TERF1: variants seen among roughly 807,000 people sequenced by gnomAD.
The protein encoded by TERF1 is telomeric repeat binding factor 1.
In TERF1, 20 loss-of-function variants were observed where a neutral mutation model predicts 55.1. That is an observed-to-expected ratio of 0.36 (90% CI 0.26 to 0.53). The LOEUF is 0.53. Among genes scored for constraint, TERF1 ranks in the 20% least tolerant of loss-of-function variants. TERF1 has a pLI of 0.91. For missense variants in TERF1, 439 were observed against 535.7 expected, an observed-to-expected ratio of 0.82 and a Z score of 1.78; for synonymous variants, 168 against 181.2, an observed-to-expected ratio of 0.93 and a Z score of 0.59.
Position 73,030,396 on chromosome 8 carries a change from G to T in TERF1, c.947+1G>T. The T allele has an allele frequency of 6.7e-7, 1 of 1,490,882 alleles. No individual in the cohort carries two copies. Among genetic ancestry groups the T allele is most frequent in the Non-Finnish European group, 8.9e-7 (1 of 1,124,900 alleles). The allele number at this position is 1,490,882 out of a possible 1,614,324, so 92.4% of individuals were successfully genotyped here. On this transcript the variant is annotated splice_donor_variant, in intron 7 of 9. Transcript: ENST00000276603. LOFTEE classifies it high-confidence loss of function. ...CAGAGGGTACAGTATCCTTATTGAG[G>T]TGAAGTAAATTGACGTTTTTCTTCT...
chr8:73,033,084 A>G (rs189744510), intron 8 of TERF1, among the ~76,000 whole-genome samples: 88 of 149,586 alleles, frequency 5.9e-4, no homozygotes, highest in African/African-American at 1.9e-3. Context: ...AATAGACATA[A>G]TGAAATTAGG....
In TERF1 at chr8:73,032,872, AT is replaced by A. The variant is rs928806016; in HGVS notation, c.1039+751del. On this transcript the variant is annotated intron_variant, in intron 8 of 9. Coordinates refer to ENST00000276603, the MANE Select transcript of TERF1 (RefSeq NM_017489.3). The stretch of plus-strand genomic sequence containing the variant: ...TTTTAGGTACTGAACTGATACTGAG[AT>A]TTTTTTTTTTTATACTTTAAGTTTT... 2.3e-3 allele frequency among the ~76,000 whole-genome samples: 341 copies of A among 146,396 alleles called. 2 individuals carry two copies. The highest frequency in any genetic ancestry group is 0.011 in the Middle Eastern group (3 of 280).
At chr8:73,034,506 C>T (rs1323752289) in intron 8 of TERF1, among the ~76,000 whole-genome samples, 2 of 152,172 alleles carry the variant, frequency 1.3e-5, no homozygotes, top group Non-Finnish European at 2.9e-5. Context: ...CTCAAGCAAT[C>T]TGCTTGCTGT....
intron 8 of TERF1, among the ~76,000 whole-genome samples, chr8:73,034,716 T>C (rs1264240665): frequency 1.3e-5 from 2 of 152,086 alleles, no homozygotes; most frequent in Non-Finnish European, 2.9e-5. Flanking sequence ...ATTATTAATA[T>C]TTGAGTTGAA....
chr8:73,037,903 AATATG>A (rs1257952462), intron 8 of TERF1, among the ~76,000 whole-genome samples: 3 of 123,810 alleles, frequency 2.4e-5, no homozygotes, highest in East Asian at 2.1e-4. Flanking sequence ...AATATATATA[AATATG>A]ATATAATATA....
intron 2 of TERF1, 66 bp from the exon 3 acceptor site, chr8:73,020,601 ATATTTAAAGGAATGCAT>A (rs2129767986): frequency 8.2e-7 from 1 of 1,224,918 alleles, no homozygotes; most frequent in Non-Finnish European, 1.1e-6. Flanking sequence ...CACTCAGTAA[ATATTTAAAGGAATGCAT>A]TATTAAAAAC....
At chr8:73,031,354 AG>A (rs2129838222) in intron 7 of TERF1, 1 of 152,398 alleles carries the variant, frequency 6.6e-6, no homozygotes, top group South Asian at 2.1e-4. Flanking sequence ...AGAAAGTCTT[AG>A]GAAGGAGGGA....
chr8:73,032,028 C>T lies in TERF1; in HGVS notation c.948-14C>T. 6.3e-7 allele frequency: 1 copy of T among 1,592,532 alleles called. No individual in the cohort carries two copies. On this transcript the variant is annotated splice_polypyrimidine_tract_variant and intron_variant, in intron 7 of 9. Transcript: ENST00000276603. Reference sequence around the variant, plus strand: ...TTTCTGGAGCCAATTACAAACTTTCCTGTTTTATTTTAGGTCTCACAAGAA... The same window carrying T: ...TTTCTGGAGCCAATTACAAACTTTCTTGTTTTATTTTAGGTCTCACAAGAA...
Position 73,021,702 on chromosome 8 carries a change from G to A in TERF1, c.538-514G>A, listed in dbSNP as rs930062438. Among the ~76,000 whole-genome samples the A allele has an allele frequency of 3.3e-5, 5 of 151,822 alleles. No homozygotes were observed. The East Asian group carries it at 7.7e-4, about 23-fold the overall frequency. ...CCAAGTTTACATAGCTACCCAAATG[G>A]TAAGTGGTCCTGTCTTACTTACCAC... On this transcript the variant is annotated intron_variant, in intron 3 of 9. Coordinates refer to ENST00000276603, the MANE Select transcript of TERF1 (RefSeq NM_017489.3).
chr8:73,012,786 T>C (rs1321067283), intron 1 of TERF1: 1 of 383,420 alleles, frequency 2.6e-6, no homozygotes, highest in Non-Finnish European at 5.3e-6. Context: ...TCTGCACCTA[T>C]CCTTCGTGGT....
chr8:73,046,243 T>C lies in TERF1; in HGVS notation c.*106T>C. On this transcript the variant is annotated 3_prime_UTR_variant, in exon 10 of 10. Coordinates refer to ENST00000276603, the MANE Select transcript of TERF1 (RefSeq NM_017489.3). ...AATTTAAAACTTTTGTTTAAAGCAT[T>C]ACAGTATTTTTCTGTGACCATCAAT... 2.0e-6 allele frequency: 2 copies of C among 1,003,548 alleles called. No individual in the cohort carries two copies. Among genetic ancestry groups the C allele is most frequent in the Non-Finnish European group, 2.8e-6 (2 of 716,624 alleles). The allele number at this position is 1,003,548 out of a possible 1,614,324, so 62.2% of individuals were successfully genotyped here. A position where few individuals can be genotyped will look rare whatever the true frequency, so the allele number is the denominator to read the frequency against.
chr8:73,039,241 G>A (rs373520304), intron 9 of TERF1, 22 bp downstream of exon 9: 24 of 1,484,210 alleles, frequency 1.6e-5, no homozygotes, highest in African/African-American at 4.2e-5. Context: ...TTTAAAATTC[G>A]AATAACGCTT....
At chr8:73,037,758 T>TA (rs1266193906) in intron 8 of TERF1, among the ~76,000 whole-genome samples, 5 of 75,124 alleles carry the variant, frequency 6.7e-5, no homozygotes, top group Admixed American at 2.2e-4. Context: ...ATATATAATA[T>TA]TATATAGTAT....
At chr8:73,045,054 G>A (rs963934600) in intron 9 of TERF1, among the ~76,000 whole-genome samples, 15 of 152,128 alleles carry the variant, frequency 9.9e-5, no homozygotes, top group African/African-American at 3.6e-4. Context: ...AAGTGGAATT[G>A]CTGGATCATA....
intron 8 of TERF1, among the ~76,000 whole-genome samples, chr8:73,035,096 A>C (rs943776924): frequency 1.3e-5 from 2 of 152,212 alleles, no homozygotes; most frequent in South Asian, 2.1e-4. Flanking sequence ...TTCACAAGAA[A>C]TCTATCAGTA....
intron 8 of TERF1, among the ~76,000 whole-genome samples, chr8:73,038,120 T>C (rs1421503572): frequency 6.6e-6 from 1 of 151,206 alleles, no homozygotes. Flanking sequence ...TAAAGCTTTA[T>C]AATTTACTAC....
At chr8:73,011,544 ACT>A (rs979288181) in intron 1 of TERF1, 8 of 152,218 alleles carry the variant, frequency 5.3e-5, no homozygotes, top group East Asian at 1.9e-4. Flanking sequence ...ACACGGCGAG[ACT>A]CTGTCTCACA....
At chr8:73,032,482 T>C (rs1473412840) in intron 8 of TERF1, among the ~76,000 whole-genome samples, 1 of 152,066 alleles carries the variant, frequency 6.6e-6, no homozygotes, top group Non-Finnish European at 1.5e-5. Flanking sequence ...TATGGAAACT[T>C]GATAATGTGG....
chr8:73,018,450 T>C lies in TERF1; in HGVS notation c.416-2234T>C, dbSNP rs572097106. On this transcript the variant is annotated intron_variant, in intron 2 of 9. Coordinates refer to ENST00000276603, the MANE Select transcript of TERF1 (RefSeq NM_017489.3). ...CAGCACTTTGGGAGGCTGAGGCGGG[T>C]GGATCACCTGAGGTCAGGAGTTCGA... Among the ~76,000 whole-genome samples, 3 of 152,000 alleles carry C rather than the reference T, an allele frequency of 2.0e-5. No individual in the cohort carries two copies. The South Asian group carries it at 6.2e-4, about 32-fold the overall frequency.
Sources: gnomAD v4.1 joint callset for allele counts (sites outside exome capture counted in the v4.1 genomes callset) on GRCh38, gnomAD v4.1.1 for gene constraint, MANE v1.5 for transcripts, NCBI Gene and HGNC (gene_info 2026-07-23, HGNC 2026-07-21) for gene names.